Variants in CCSER1 observed in about 807,000 individuals in gnomAD.
CCSER1 encodes coiled-coil serine rich protein 1.
Under a neutral mutation model 82.0 loss-of-function variants are expected in CCSER1, and 41 were observed. The ratio of observed to expected loss-of-function variants is 0.50; its 90% CI spans 0.39 to 0.65. The LOEUF (loss-of-function observed/expected upper bound fraction) is 0.65. Ranked by LOEUF, CCSER1 falls within the 30% of genes least tolerant of loss-of-function variation. The pLI is 0.00. For synonymous variants in CCSER1, 414 were observed against 383.9 expected, an observed-to-expected ratio of 1.08 and a Z score of -0.92; for missense variants, 1,119 against 1,064.2, an observed-to-expected ratio of 1.05 and a Z score of -0.72.
At chr4:90,699,791 G>A (rs896128262) in intron 6 of CCSER1, among the ~76,000 whole-genome samples, 4 of 152,030 alleles carry the variant, frequency 2.6e-5, no homozygotes, top group African/African-American at 7.2e-5. Context: ...GGTAGGATGT[G>A]GGACCTTTGA....
Position 91,423,840 on chromosome 4 carries a change from C to G in CCSER1, c.2218-174732C>G, listed in dbSNP as rs565245054. Among the ~76,000 whole-genome samples the G allele has an allele frequency of 1.1e-4, 16 of 152,082 alleles. No homozygotes were observed. In the South Asian group the frequency reaches 3.3e-3, roughly 32 times the overall value. The stretch of plus-strand genomic sequence containing the variant: ...CTGAGTCTCTGTATTGTGCACTGTT[C>G]CCGTCAGCTTCAGAGGAGACAGCAG... On this transcript the variant is annotated intron_variant, in intron 10 of 10. Coordinates refer to ENST00000509176, the MANE Select transcript of CCSER1 (RefSeq NM_001145065.2).
At chr4:90,336,327 A>C (rs777713216) in intron 3 of CCSER1, among the ~76,000 whole-genome samples, 8 of 152,246 alleles carry the variant, frequency 5.3e-5, no homozygotes, top group Non-Finnish European at 1.0e-4. Flanking sequence ...AGGATCACTG[A>C]TAATGTGGAG....
chr4:90,639,878 A>T (rs1228845162), intron 6 of CCSER1, among the ~76,000 whole-genome samples: 1 of 152,140 alleles, frequency 6.6e-6, no homozygotes, highest in African/African-American at 2.4e-5. Flanking sequence ...ATGTAGATTG[A>T]TTATTCATGA....
Position 91,592,143 on chromosome 4 carries a change from G to T in CCSER1, c.2218-6429G>T, listed in dbSNP as rs575685272. ...TGGTGTGTTAGTCCACTCTCACATT[G>T]CTAATGAAGACATACTTGACTTAGA... On this transcript the variant is annotated intron_variant, in intron 10 of 10. Coordinates refer to ENST00000509176, the MANE Select transcript of CCSER1 (RefSeq NM_001145065.2). 3.1e-4 allele frequency among the ~76,000 whole-genome samples: 47 copies of T among 152,224 alleles called. 1 individual carries two copies. The South Asian group carries it at 9.5e-3, about 31-fold the overall frequency.
At chr4:90,268,898 C>T (rs984763501) in intron 1 of CCSER1, among the ~76,000 whole-genome samples, 18 of 151,936 alleles carry the variant, frequency 1.2e-4, no homozygotes, top group African/African-American at 3.4e-4. Flanking sequence ...AGAGTAGCTA[C>T]ACTTACATCA....
intron 9 of CCSER1, among the ~76,000 whole-genome samples, chr4:90,969,069 T>C (rs2150393804): frequency 6.6e-6 from 1 of 151,832 alleles, no homozygotes; most frequent in Middle Eastern, 3.4e-3. Context: ...GAAGAAAGCA[T>C]CTGTGAATGT....
intron 10 of CCSER1, among the ~76,000 whole-genome samples, chr4:91,330,997 T>C (rs1443820213): frequency 6.6e-6 from 1 of 152,190 alleles, no homozygotes; most frequent in Non-Finnish European, 1.5e-5. Flanking sequence ...ACTTATAGGC[T>C]AACCTGCTGT....
At chr4:90,283,666 T>TC (rs1201559342) in intron 1 of CCSER1, among the ~76,000 whole-genome samples, 2 of 152,064 alleles carry the variant, frequency 1.3e-5, no homozygotes, top group Non-Finnish European at 2.9e-5. Flanking sequence ...TATCTCTGCC[T>TC]CCTTATGGTT....
At chr4:91,406,659 T>C (rs1472096953) in intron 10 of CCSER1, among the ~76,000 whole-genome samples, 1 of 152,344 alleles carries the variant, frequency 6.6e-6, no homozygotes, top group African/African-American at 2.4e-5. Context: ...AATGTATTCA[T>C]GATTTTTCCT....
At chr4:90,375,940 G>C (rs1398344002) in intron 3 of CCSER1, among the ~76,000 whole-genome samples, 3 of 152,172 alleles carry the variant, frequency 2.0e-5, no homozygotes, top group African/African-American at 4.8e-5. Context: ...GGCCATGTTG[G>C]AGGCACTGCC....
intron 10 of CCSER1, among the ~76,000 whole-genome samples, chr4:91,267,511 A>G (rs1383917319): frequency 6.6e-6 from 1 of 152,172 alleles, no homozygotes; most frequent in Non-Finnish European, 1.5e-5. Flanking sequence ...AAAGACTTTA[A>G]TTTCTATTGA....
intron 4 of CCSER1, among the ~76,000 whole-genome samples, chr4:90,401,109 C>G (rs576181656): frequency 1.8e-4 from 27 of 152,138 alleles, no homozygotes; most frequent in African/African-American, 6.3e-4. Context: ...AAGGCAATAA[C>G]AATGTTGATA....
At chr4:91,241,471 G>A (rs868432075) in intron 10 of CCSER1, among the ~76,000 whole-genome samples, 2 of 147,182 alleles carry the variant, frequency 1.4e-5, no homozygotes, top group Middle Eastern at 3.5e-3. Flanking sequence ...GACTACATAC[G>A]CCAGCCACCA....
At chr4:90,528,013 G>A (rs1035753525) in intron 5 of CCSER1, among the ~76,000 whole-genome samples, 1 of 152,060 alleles carries the variant, frequency 6.6e-6, no homozygotes, top group Non-Finnish European at 1.5e-5. Context: ...TGACAGAGAA[G>A]GAAAATGATG....
intron 9 of CCSER1, among the ~76,000 whole-genome samples, chr4:90,989,877 G>A (rs779486241): frequency 6.6e-5 from 10 of 151,740 alleles, no homozygotes; most frequent in Non-Finnish European, 1.0e-4. Context: ...GAGGAAGAGA[G>A]ATGGGAGCAG....
At chr4:90,314,588 C>T (rs1235921474) in intron 3 of CCSER1, among the ~76,000 whole-genome samples, 1 of 151,594 alleles carries the variant, frequency 6.6e-6, no homozygotes, top group East Asian at 1.9e-4. Flanking sequence ...GAACTCATCT[C>T]TAAAAAAAAA....
At chr4:90,270,833 C>G (rs980978372) in intron 1 of CCSER1, among the ~76,000 whole-genome samples, 2 of 152,154 alleles carry the variant, frequency 1.3e-5, no homozygotes, top group Non-Finnish European at 2.9e-5. Flanking sequence ...AGTAGCATTT[C>G]TATGTGCCAA....
At chr4:90,555,208 G>A (rs897684673) in intron 5 of CCSER1, among the ~76,000 whole-genome samples, 1 of 151,862 alleles carries the variant, frequency 6.6e-6, no homozygotes, top group Non-Finnish European at 1.5e-5. Context: ...ACATAGGAAC[G>A]TTTCTTGATA....
rs546434790 is a variant in CCSER1, at chr4:90,915,647, G to A, written c.2095-7723G>A. ...TCTCACCACTCCTATTCAACATAGTGTTGGAAGTTCTGGCCAGGTCAATCA... is the reference window on the plus strand; with the variant it reads ...TCTCACCACTCCTATTCAACATAGTATTGGAAGTTCTGGCCAGGTCAATCA... On this transcript the variant is annotated intron_variant, in intron 8 of 10. Coordinates refer to ENST00000509176, the MANE Select transcript of CCSER1 (RefSeq NM_001145065.2). Among the ~76,000 whole-genome samples the A allele has an allele frequency of 2.6e-5, 4 of 152,238 alleles. 1 individual carries two copies. In the South Asian group the frequency reaches 6.2e-4, roughly 24 times the overall value.
Sources: allele counts gnomAD v4.1 joint callset (sites outside exome capture counted in the v4.1 genomes callset), GRCh38; gene constraint gnomAD v4.1.1; transcripts MANE v1.5; gene names NCBI Gene and HGNC (gene_info 2026-07-23, HGNC 2026-07-21).